The following CTNNA2 variants were observed in gnomAD, a reference collection of about 807,000 sequenced individuals.
CTNNA2 encodes the protein catenin alpha 2.
Under a neutral mutation model 101.0 loss-of-function variants are expected in CTNNA2, and 42 were observed. The observed-to-expected ratio is 0.42, with a 90% CI of 0.32 to 0.54. CTNNA2 has a LOEUF of 0.54. Ranked by LOEUF, CTNNA2 falls within the 20% of genes least tolerant of loss-of-function variation. The probability of loss-of-function intolerance (pLI) is 0.14; values close to 1 mark genes in which losing one functional copy is unlikely to be tolerated. For missense variants in CTNNA2, 871 were observed against 1,223.1 expected (o/e 0.71, Z 4.29); for synonymous variants, 450 against 456.4 (o/e 0.99, Z 0.18).
intron 3 of CTNNA2, among the ~76,000 whole-genome samples, chr2:79,835,445 A>G (rs1211851726): frequency 6.6e-6 from 1 of 152,136 alleles, no homozygotes; most frequent in Admixed American, 6.5e-5. Flanking sequence ...CTAGAGTGAC[A>G]TATGAGAGTA....
chr2:79,401,049 C>T (rs1274158088), intron 4 of CTNNA2, among the ~76,000 whole-genome samples: 5 of 151,722 alleles, frequency 3.3e-5, no homozygotes, highest in African/African-American at 1.2e-4. Flanking sequence ...ACAGAGAAAA[C>T]TGAGAGAATT....
At chr2:80,259,005 G>A (rs1672389923) in intron 7 of CTNNA2, among the ~76,000 whole-genome samples, 1 of 152,114 alleles carries the variant, frequency 6.6e-6, no homozygotes, top group Admixed American at 6.5e-5. Flanking sequence ...CGAGTTAGTA[G>A]AATTATCAGT....
At chr2:79,210,240 C>A (rs1338758003) in intron 2 of CTNNA2, among the ~76,000 whole-genome samples, 1 of 151,562 alleles carries the variant, frequency 6.6e-6, no homozygotes, top group Non-Finnish European at 1.5e-5. Flanking sequence ...AAAGTATTTG[C>A]AAATAGTAAG....
chr2:79,455,820 T>G (rs549843036), intron 4 of CTNNA2, among the ~76,000 whole-genome samples: 3 of 152,212 alleles, frequency 2.0e-5, no homozygotes, highest in Admixed American at 6.5e-5. Flanking sequence ...ACTTAGATAC[T>G]GTGACCTATT....
At chr2:79,460,599 A>G (rs1442387972) in intron 4 of CTNNA2, among the ~76,000 whole-genome samples, 1 of 152,140 alleles carries the variant, frequency 6.6e-6, no homozygotes, top group Non-Finnish European at 1.5e-5. Flanking sequence ...CCTTCATTCC[A>G]TCCTTTATCC....
intron 4 of CTNNA2, among the ~76,000 whole-genome samples, chr2:79,468,071 GAC>G (rs1338394761): frequency 6.6e-6 from 1 of 152,164 alleles, no homozygotes; most frequent in Non-Finnish European, 1.5e-5. Context: ...CCAATTAAAA[GAC>G]ACAGACTAGC....
At chr2:79,849,707 T>G (rs145603660) in intron 3 of CTNNA2, among the ~76,000 whole-genome samples, 1 of 152,306 alleles carries the variant, frequency 6.6e-6, no homozygotes, top group East Asian at 1.9e-4. Flanking sequence ...GAACTTTCCT[T>G]TAGCAAATGT....
intron 3 of CTNNA2, among the ~76,000 whole-genome samples, chr2:79,770,937 G>A (rs1213192668): frequency 2.0e-5 from 3 of 152,170 alleles, no homozygotes; most frequent in Non-Finnish European, 4.4e-5. Context: ...ATTGCAGAAA[G>A]TTTAAAAGAA....
At chr2:79,222,551 G>T (rs1298021524) in intron 2 of CTNNA2, among the ~76,000 whole-genome samples, 1 of 152,164 alleles carries the variant, frequency 6.6e-6, no homozygotes, top group African/African-American at 2.4e-5. Flanking sequence ...GACCTGAGAA[G>T]TTAACCAGGA....
Position 79,998,330 on chromosome 2 carries a change from A to G in CTNNA2, c.1056+88533A>G, listed in dbSNP as rs527583018. Among the ~76,000 whole-genome samples, 7 of 152,310 alleles carry G rather than the reference A, an allele frequency of 4.6e-5. No individual in the cohort carries two copies. The South Asian group carries it at 1.2e-3, about 27-fold the overall frequency. The stretch of plus-strand genomic sequence containing the variant: ...GTTATTTGGGACTACTTGTTTTTTG[A>G]AATACTGTGGTTCATAATCAGATAA... On this transcript the variant is annotated intron_variant, in intron 7 of 18. Transcript: ENST00000402739.
At chr2:79,296,325 T>C (rs903038498) in intron 2 of CTNNA2, among the ~76,000 whole-genome samples, 1 of 152,194 alleles carries the variant, frequency 6.6e-6, no homozygotes, top group African/African-American at 2.4e-5. Context: ...CATATAGCAC[T>C]TTTAACTTTG....
intron 5 of CTNNA2, among the ~76,000 whole-genome samples, chr2:79,506,285 T>A (rs1201519073): frequency 1.3e-5 from 2 of 152,020 alleles, no homozygotes; most frequent in Admixed American, 1.3e-4. Flanking sequence ...TAAAGCTCCT[T>A]TGCAAAGTAT....
chr2:80,331,403 A>C (rs1252744195), intron 7 of CTNNA2, among the ~76,000 whole-genome samples: 1 of 152,226 alleles, frequency 6.6e-6, no homozygotes, highest in Admixed American at 6.5e-5. Context: ...CTAGTTCAAC[A>C]TTCCAAAGAA....
At chr2:80,587,502 T>G (rs916901458) in intron 14 of CTNNA2, among the ~76,000 whole-genome samples, 5 of 152,192 alleles carry the variant, frequency 3.3e-5, no homozygotes, top group Non-Finnish European at 7.3e-5. Context: ...TTTGAGGTAA[T>G]TATTTACTAT....
intron 2 of CTNNA2, among the ~76,000 whole-genome samples, chr2:79,670,888 C>A (rs1255930149): frequency 1.3e-5 from 2 of 152,138 alleles, no homozygotes; most frequent in Non-Finnish European, 1.5e-5. Context: ...TTCATGTTTC[C>A]TTTTCTTCAC....
intron 2 of CTNNA2, among the ~76,000 whole-genome samples, chr2:79,280,663 A>AGAGAGAGAGAGAGAGAGAGAGAG (rs1238782976): frequency 2.0e-5 from 1 of 49,342 alleles, no homozygotes; most frequent in Non-Finnish European, 3.8e-5. Context: ...GTGTAAGAGA[A>AGAGAGAGAGAGAGAGAGAGAGAG]AGAGAGAGAG....
chr2:79,646,649 C>T (rs935900096), intron 1 of CTNNA2, among the ~76,000 whole-genome samples: 5 of 151,538 alleles, frequency 3.3e-5, no homozygotes, highest in African/African-American at 9.7e-5. Context: ...CCCACCTCAG[C>T]CTCCTCAGTA....
At position 80,170,599 on chromosome 2, in the gene CTNNA2, A is replaced by G. The variant is rs147744226; in HGVS notation, c.1057-222612A>G. Among the ~76,000 whole-genome samples the G allele has an allele frequency of 5.8e-4, 89 of 152,282 alleles. No individual in the cohort carries two copies. In the East Asian group the frequency reaches 0.016, roughly 28 times the overall value. On this transcript the variant is annotated intron_variant, in intron 7 of 18. Transcript: ENST00000402739. ...AACAGGACTGTATGCTCCTTGTTCA[A>G]TACCCTTTCCTGGGTGTACTGGGCC...
chr2:80,011,948 G>A (rs933176805), intron 7 of CTNNA2, among the ~76,000 whole-genome samples: 1 of 152,124 alleles, frequency 6.6e-6, no homozygotes, highest in Non-Finnish European at 1.5e-5. Context: ...AGCAGAGGAT[G>A]GGGGCACTTC....
Sources: allele counts gnomAD v4.1 joint callset (sites outside exome capture counted in the v4.1 genomes callset), GRCh38; gene constraint gnomAD v4.1.1; transcripts MANE v1.5; gene names NCBI Gene and HGNC (gene_info 2026-07-23, HGNC 2026-07-21).